The following AFG2A variants were observed in gnomAD, a reference collection of about 807,000 sequenced individuals.
The protein encoded by AFG2A is AAA ATPase AFG2A.
At chr4:123,131,149 G>C in the AFG2A span, among the ~76,000 whole-genome samples, 1 of 151,776 alleles carries the variant, frequency 6.6e-6, no homozygotes, top group African/African-American at 2.4e-5. Context: ...ATCCTTTATC[G>C]AGCATATTAC....
chr4:122,926,095 G>A, the AFG2A span, among the ~76,000 whole-genome samples: 4 of 152,200 alleles, frequency 2.6e-5, no homozygotes, highest in African/African-American at 9.7e-5. Context: ...CAGAGAACAC[G>A]TTGGTGATGT....
chr4:123,124,299 T>C, the AFG2A span, among the ~76,000 whole-genome samples: 1 of 152,182 alleles, frequency 6.6e-6, no homozygotes, highest in Non-Finnish European at 1.5e-5. Flanking sequence ...CATGGAATAC[T>C]ATGCAGCCAT....
chr4:123,281,746 A>G, the AFG2A span, among the ~76,000 whole-genome samples: 1 of 152,192 alleles, frequency 6.6e-6, no homozygotes, highest in African/African-American at 2.4e-5. Flanking sequence ...ACAATGGAAG[A>G]TTATCCAGTG....
the AFG2A span, among the ~76,000 whole-genome samples, chr4:122,965,988 T>G: frequency 2.5e-4 from 38 of 152,196 alleles, no homozygotes; most frequent in Admixed American, 2.3e-3. Flanking sequence ...CTAAGTCTTA[T>G]TTAAAGTTGT....
At chr4:123,175,391 A>G in the AFG2A span, among the ~76,000 whole-genome samples, 1 of 152,224 alleles carries the variant, frequency 6.6e-6, no homozygotes, top group Non-Finnish European at 1.5e-5. Flanking sequence ...GTATAAAGAG[A>G]GATGTTCAAC....
the AFG2A span, among the ~76,000 whole-genome samples, chr4:122,926,445 A>C: frequency 6.6e-6 from 1 of 152,288 alleles, no homozygotes; most frequent in South Asian, 2.1e-4. Flanking sequence ...GTATGTGTTC[A>C]TTTCGTTTTA....
At chr4:123,122,642 G>A in the AFG2A span, among the ~76,000 whole-genome samples, 2 of 152,084 alleles carry the variant, frequency 1.3e-5, no homozygotes, top group African/African-American at 4.8e-5. Flanking sequence ...AATTAATGAA[G>A]GAAAATACCA....
At chr4:123,082,707 C>G in the AFG2A span, among the ~76,000 whole-genome samples, 1 of 151,944 alleles carries the variant, frequency 6.6e-6, no homozygotes, top group African/African-American at 2.4e-5. Context: ...CATAGAATAA[C>G]TTGTTGGGGT....
At chr4:122,966,357 C>G in the AFG2A span, among the ~76,000 whole-genome samples, 2 of 152,106 alleles carry the variant, frequency 1.3e-5, no homozygotes, top group Admixed American at 1.3e-4. Context: ...TACCTACAAA[C>G]GAAGTAATAG....
chr4:123,090,769 TTTTG>T, the AFG2A span: 1 of 1,573,096 alleles, frequency 6.4e-7, no homozygotes, highest in Non-Finnish European at 8.6e-7. Context: ...TTTATCAGGT[TTTTG>T]TTTTTGTCAA....
At chr4:123,298,248 G>A in the AFG2A span, among the ~76,000 whole-genome samples, 1 of 152,146 alleles carries the variant, frequency 6.6e-6, no homozygotes, top group African/African-American at 2.4e-5. Context: ...GAGAAAATGA[G>A]GGCTTTCTGG....
At chr4:123,072,991 A>G in the AFG2A span, among the ~76,000 whole-genome samples, 1 of 152,156 alleles carries the variant, frequency 6.6e-6, no homozygotes, top group Admixed American at 6.6e-5. Context: ...ATACACATAA[A>G]ATGATAACAT....
the AFG2A span, among the ~76,000 whole-genome samples, chr4:122,971,738 T>G: frequency 6.6e-6 from 1 of 152,054 alleles, no homozygotes; most frequent in Non-Finnish European, 1.5e-5. Flanking sequence ...TTTAAAAAAA[T>G]ATAATTAATG....
At chr4:122,927,812 T>C in the AFG2A span, 1 of 1,594,860 alleles carries the variant, frequency 6.3e-7, no homozygotes, top group South Asian at 1.2e-5. Flanking sequence ...ACATTGCAAA[T>C]CCAAGAATCT....
At chr4:123,121,069 C>G in the AFG2A span, among the ~76,000 whole-genome samples, 1 of 151,662 alleles carries the variant, frequency 6.6e-6, no homozygotes, top group South Asian at 2.1e-4. Flanking sequence ...ACCTACGGGC[C>G]TAGGCTAATA....
the AFG2A span, among the ~76,000 whole-genome samples, chr4:123,218,948 T>C: frequency 5.3e-3 from 801 of 152,312 alleles, 40 homozygotes; most frequent in East Asian, 0.13. Context: ...ATTAAAGTTT[T>C]CTAGAGAGAC....
the AFG2A span, among the ~76,000 whole-genome samples, chr4:123,148,720 A>AT: frequency 6.6e-6 from 1 of 151,848 alleles, no homozygotes; most frequent in South Asian, 2.1e-4. Context: ...CTTGCCAAAA[A>AT]TTTGCAACAT....
At chr4:123,002,322 T>C in the AFG2A span, among the ~76,000 whole-genome samples, 3 of 152,246 alleles carry the variant, frequency 2.0e-5, no homozygotes, top group South Asian at 2.1e-4. Context: ...TTAATATCGT[T>C]ATGTGTGAAT....
chr4:122,994,479 A>T, the AFG2A span, among the ~76,000 whole-genome samples: 1 of 152,146 alleles, frequency 6.6e-6, no homozygotes, highest in Non-Finnish European at 1.5e-5. Context: ...ATGGAGTATC[A>T]TCAAGTTTAA....
Sources: gnomAD v4.1 joint callset for allele counts (sites outside exome capture counted in the v4.1 genomes callset) on GRCh38, gnomAD v4.1.1 for gene constraint, MANE v1.5 for transcripts, NCBI Gene and HGNC (gene_info 2026-07-23, HGNC 2026-07-21) for gene names.